Variants in TXNDC9 observed in about 807,000 individuals in gnomAD.
The protein encoded by TXNDC9 is thioredoxin domain-containing protein 9.
A neutral mutation model predicts 23.0 loss-of-function variants in TXNDC9; 7 were observed. That is an observed-to-expected ratio of 0.30 (90% CI 0.17 to 0.57). The LOEUF (loss-of-function observed/expected upper bound fraction) is 0.57, where lower values mean the gene tolerates loss of function less well. Ranked by LOEUF, TXNDC9 falls within the 20% of genes least tolerant of loss-of-function variation. TXNDC9 has a pLI of 0.90. For missense variants in TXNDC9, 198 were observed against 252.6 expected, an observed-to-expected ratio of 0.78 and a Z score of 1.47; for synonymous variants, 72 against 90.6, an observed-to-expected ratio of 0.79 and a Z score of 1.17.
chr2:99,306,739 G>A, the TXNDC9 span: 283 of 450,528 alleles, frequency 6.3e-4, no homozygotes, highest in African/African-American at 5.3e-3. Context: ...GGTATCTCTC[G>A]GTGGTTCAGA....
chr2:99,330,273 G>C (rs1290345420), intron 2 of TXNDC9, among the ~76,000 whole-genome samples: 1 of 91,962 alleles, frequency 1.1e-5, no homozygotes, highest in Non-Finnish European at 2.0e-5. Flanking sequence ...CGGGGCAACA[G>C]AGCAAGACTC....
At chr2:99,330,065 G>A (rs1202370711) in intron 2 of TXNDC9, among the ~76,000 whole-genome samples, 2 of 151,862 alleles carry the variant, frequency 1.3e-5, no homozygotes, top group South Asian at 2.1e-4. Context: ...TGAGGTGGGC[G>A]GATCACCTGA....
At chr2:99,325,413 A>G (rs528580315) in intron 3 of TXNDC9, among the ~76,000 whole-genome samples, 48 of 152,200 alleles carry the variant, frequency 3.2e-4, no homozygotes, top group Non-Finnish European at 5.1e-4. Flanking sequence ...AGGAATAATA[A>G]TAAGTGCCTC....
intron 1 of TXNDC9, among the ~76,000 whole-genome samples, chr2:99,333,476 G>C (rs1027212755): frequency 1.3e-5 from 2 of 152,240 alleles, no homozygotes; most frequent in South Asian, 4.1e-4. Context: ...GGGTGCTTCT[G>C]ATTTAGCATA....
the TXNDC9 span, among the ~76,000 whole-genome samples, chr2:99,313,200 C>CAAACA: frequency 7.3e-5 from 11 of 151,558 alleles, no homozygotes; most frequent in South Asian, 2.1e-4. Flanking sequence ...AACAATAAAA[C>CAAACA]AAACAAAACT....
chr2:99,323,134 C>T (rs1005459619), intron 3 of TXNDC9, among the ~76,000 whole-genome samples: 3 of 150,602 alleles, frequency 2.0e-5, no homozygotes, highest in African/African-American at 7.3e-5. Context: ...TGGCCAGGTG[C>T]GGTGGCTCAC....
chr2:99,311,806 G>A, the TXNDC9 span, among the ~76,000 whole-genome samples: 1 of 152,206 alleles, frequency 6.6e-6, no homozygotes, highest in African/African-American at 2.4e-5. Flanking sequence ...TTGTTGCTAT[G>A]CAATTTAAAA....
At position 99,333,081 on chromosome 2, in the gene TXNDC9, A is replaced by G. The variant is rs750775364; in HGVS notation, c.130T>C (p.Leu44=). 7 of 1,613,942 alleles carry G rather than the reference A, an allele frequency of 4.3e-6. No individual in the cohort carries two copies. In the Admixed American group the frequency reaches 8.3e-5, roughly 19 times the overall value. ...QKLDQMDEDE[L]ERLKEKRLQA... Reference sequence around the variant, plus strand: ...AGTCTCTTTTCTTTAAGGCGTTCCAATTCATCCTCATCCATCTGATCCAGT... The same window carrying G: ...AGTCTCTTTTCTTTAAGGCGTTCCAGTTCATCCTCATCCATCTGATCCAGT... The change falls in exon 2 of 5, where the codon TTG becomes CTG. Residue 44 remains leucine, a synonymous_variant. Coordinates refer to ENST00000264255, the MANE Select transcript of TXNDC9 (RefSeq NM_005783.4).
At chr2:99,308,294 TG>T in the TXNDC9 span, among the ~76,000 whole-genome samples, 1 of 152,172 alleles carries the variant, frequency 6.6e-6, no homozygotes, top group East Asian at 1.9e-4. Context: ...TCTTCTAGGC[TG>T]GTAATTATTG....
the TXNDC9 span, among the ~76,000 whole-genome samples, chr2:99,308,874 G>A: frequency 6.6e-6 from 1 of 151,878 alleles, no homozygotes; most frequent in African/African-American, 2.4e-5. Flanking sequence ...ACCACGCCTG[G>A]CTAATTTTTA....
At chr2:99,320,433 C>CA (rs1224299525) in intron 4 of TXNDC9, among the ~76,000 whole-genome samples, 1 of 152,136 alleles carries the variant, frequency 6.6e-6, no homozygotes, top group East Asian at 1.9e-4. Flanking sequence ...ATATGCCCGT[C>CA]AAAAATCGAT....
chr2:99,327,570 A>G lies in TXNDC9; in HGVS notation c.273T>C (p.Asn91=). The stretch of plus-strand genomic sequence containing the variant: ...AGTCTCTGTAGAAATGGCAAACCAC[A>G]TTTTCACTCTCCTTGACTTCTTGAA... ...DFFQEVKESE[N]VVCHFYRDST... is the part of the protein sequence containing the mutation. The change falls in exon 3 of 5, where the codon AAT becomes AAC. Residue 91 remains asparagine (N), a synonymous_variant. Transcript: ENST00000264255. 1 of 1,613,500 alleles carries G rather than the reference A, an allele frequency of 6.2e-7. No homozygotes were observed. Among genetic ancestry groups the G allele is most frequent in the Non-Finnish European group, 8.5e-7 (1 of 1,179,772 alleles).
the TXNDC9 span, among the ~76,000 whole-genome samples, chr2:99,308,188 C>T: frequency 1.2e-3 from 177 of 152,150 alleles, 1 homozygote; most frequent in Middle Eastern, 0.01. Flanking sequence ...GCACAGAGGA[C>T]GCACTGAGAG....
intron 2 of TXNDC9, among the ~76,000 whole-genome samples, chr2:99,330,961 T>A (rs2094224144): frequency 6.6e-6 from 1 of 152,226 alleles, no homozygotes; most frequent in African/African-American, 2.4e-5. Context: ...CATTTTAAAT[T>A]GATTTATACA....
At chr2:99,318,659 G>A (rs558043112), downstream of TXNDC9, among the ~76,000 whole-genome samples, 12 of 152,224 alleles carry the variant, frequency 7.9e-5, no homozygotes, top group South Asian at 1.4e-3. Flanking sequence ...TTCACTCTAC[G>A]TACGAGTAAA....
At chr2:99,322,555 A>G (rs1036631362) in intron 3 of TXNDC9, 35 of 1,510,112 alleles carry the variant, frequency 2.3e-5, no homozygotes, top group Non-Finnish European at 3.1e-5. Flanking sequence ...CTCGGAAGAG[A>G]CTTACAAGAA....
intron 3 of TXNDC9, among the ~76,000 whole-genome samples, chr2:99,326,544 A>C (rs1350361767): frequency 6.6e-6 from 1 of 152,220 alleles, no homozygotes; most frequent in Non-Finnish European, 1.5e-5. Context: ...AAAAGGAGTT[A>C]TCTCTCGATT....
chr2:99,336,143 G>A (rs1202098737), intron 1 of TXNDC9, 96 bp downstream of exon 1: 1 of 963,770 alleles, frequency 1.0e-6, no homozygotes, highest in Non-Finnish European at 1.2e-6. Context: ...CCGGTGCTGG[G>A]GCCGCGCCCC....
downstream of TXNDC9, chr2:99,318,850 A>C (rs1407270218): frequency 6.6e-6 from 1 of 152,206 alleles, no homozygotes; most frequent in Non-Finnish European, 1.5e-5. Context: ...TCAGGGAATG[A>C]GGCATGCTAA....
Sources: gnomAD v4.1 joint callset for allele counts (sites outside exome capture counted in the v4.1 genomes callset) on GRCh38, gnomAD v4.1.1 for gene constraint, MANE v1.5 for transcripts, NCBI Gene and HGNC (gene_info 2026-07-23, HGNC 2026-07-21) for gene names.